The following PPFIA3 variants were observed in gnomAD, a reference collection of about 807,000 sequenced individuals.
The protein encoded by PPFIA3 is liprin-alpha-3.
In PPFIA3, 26 loss-of-function variants were observed where a neutral mutation model predicts 145.8. That is an observed-to-expected ratio of 0.18 (90% CI 0.13 to 0.25). The LOEUF (loss-of-function observed/expected upper bound fraction) is 0.25, where lower values mean the gene tolerates loss of function less well. Among genes scored for constraint, PPFIA3 ranks in the 10% least tolerant of loss-of-function variants. The pLI, the probability that PPFIA3 is intolerant of heterozygous loss-of-function variation, is 1.00. For synonymous variants in PPFIA3, 645 were observed against 661.4 expected, an observed-to-expected ratio of 0.98 and a Z score of 0.38; for missense variants, 1,008 against 1,587.8, an observed-to-expected ratio of 0.63 and a Z score of 6.21.
intron 23 of PPFIA3, among the ~76,000 whole-genome samples, chr19:49,147,726 G>C (rs1451753992): frequency 1.7e-5 from 2 of 116,126 alleles, no homozygotes; most frequent in Admixed American, 1.7e-4. Context: ...GAGAAAGAAA[G>C]AAATTTAAAA....
At chr19:49,141,814 G>A (rs1335397487) in intron 19 of PPFIA3, among the ~76,000 whole-genome samples, 2 of 148,878 alleles carry the variant, frequency 1.3e-5, no homozygotes, top group Non-Finnish European at 1.5e-5. Flanking sequence ...TGTTTCTTTT[G>A]TTTTTCTTAT....
chr19:49,140,475 A>C lies in PPFIA3; in HGVS notation c.2368+387A>C, dbSNP rs368042057. ...GCGATTCTCCTGCCTCGGCCTCTTG[A>C]GCAGCTGGGACTATAGGCGCCCGCC... On this transcript the variant is annotated intron_variant, in intron 18 of 29. Transcript: ENST00000334186. 1.8e-3 allele frequency among the ~76,000 whole-genome samples: 269 copies of C among 150,590 alleles called. 2 individuals are homozygous for C. The highest frequency in any genetic ancestry group is 6.2e-3 in the African/African-American group (252 of 40,886).
At position 49,130,716 on chromosome 19, in the gene PPFIA3, T is replaced by C. The variant is rs2041059190; in HGVS notation, c.879+117T>C. The C allele has an allele frequency of 2.4e-5, 20 of 836,352 alleles. No homozygotes were observed. The highest frequency in any genetic ancestry group is 3.1e-5 in the Non-Finnish European group (17 of 549,314). 51.8% of individuals were successfully genotyped at this position (836,352 alleles called of 1,614,324 possible). Reference sequence around the variant, plus strand: ...TTCAGTCCACAGGCTGGGTGACTCCTCTTTGAGATTCAGTTTTCCCACCTG... The same window carrying C: ...TTCAGTCCACAGGCTGGGTGACTCCCCTTTGAGATTCAGTTTTCCCACCTG... On this transcript the variant is annotated intron_variant, in intron 7 of 29. Transcript: ENST00000334186. The surrounding 1 kb of genome is among the most constrained non-coding windows in gnomAD (Gnocchi z 4.5).
In PPFIA3 at chr19:49,120,941, C is replaced by T. The variant is rs2040930082; in HGVS notation, c.-16+1219C>T. On this transcript the variant is annotated intron_variant, in intron 1 of 29. Transcript: ENST00000334186. This position sits in a 1 kb window ranked among gnomAD's most constrained non-coding sequence, Gnocchi z 4.6. ...GATTCAGGAGTCCAGGCTCCCAGCT[C>T]TGTCCACTGCCCTCCCCAGCAGGTA... 1.3e-5 allele frequency among the ~76,000 whole-genome samples: 2 copies of T among 152,208 alleles called. No homozygotes were observed. The highest frequency in any genetic ancestry group is 4.8e-5 in the African/African-American group (2 of 41,452).
At chr19:49,141,629 AGTGTGTGTGTGC>A in intron 19 of PPFIA3, 116 bp downstream of exon 19, 1 of 769,530 alleles carries the variant, frequency 1.3e-6, no homozygotes, top group Non-Finnish European at 2.0e-6. Flanking sequence ...AGGGTGTGTG[AGTGTGTGTGTGC>A]AGCGGTGGTG....
At chr19:49,144,421 C>T (rs73048826) in intron 21 of PPFIA3, among the ~76,000 whole-genome samples, 2,922 of 152,174 alleles carry the variant, frequency 0.019, 46 homozygotes, top group Non-Finnish European at 0.028. Context: ...CGTGTCAGCA[C>T]GTAAGTTTAG....
In PPFIA3 at chr19:49,138,260, C is replaced by T. The variant is rs773800064; in HGVS notation, c.1909C>T (p.Arg637Trp). 7 of 1,613,316 alleles carry T rather than the reference C, an allele frequency of 4.3e-6. No homozygotes were observed. The highest frequency in any genetic ancestry group is 1.7e-5 in the Admixed American group (1 of 59,978). ...TEQRAEELESRVSSSGLDSLG... is the reference protein window; with the variant it reads ...TEQRAEELESWVSSSGLDSLG... ...ACAGAGGGCAGAGGAGCTGGAGAGT[C>T]GGGTGTCCAGCTCTGGCTTGGACTC... Residue 637 changes from arginine to tryptophan, a missense_variant, in exon 16 of 30, where the codon CGG becomes TGG. Physicochemically the swap from Arg to Trp is moderately radical, Grantham distance 101. This residue lies in a region of PPFIA3 where 202 missense variants were observed against 241.8 expected (regional missense o/e 0.84). Coordinates refer to ENST00000334186, the MANE Select transcript of PPFIA3 (RefSeq NM_003660.4).
chr19:49,150,270 C>A lies in PPFIA3; in HGVS notation c.*48C>A. 1 of 988,240 alleles carries A rather than the reference C, an allele frequency of 1.0e-6. No homozygotes were observed. The highest frequency in any genetic ancestry group is 1.5e-6 in the Non-Finnish European group (1 of 677,782). 61.2% of individuals were successfully genotyped at this position (988,240 alleles called of 1,614,324 possible). On this transcript the variant is annotated 3_prime_UTR_variant, in exon 30 of 30. Coordinates refer to ENST00000334186, the MANE Select transcript of PPFIA3 (RefSeq NM_003660.4). ...CTCGGACGGAAGAATCTTCCCGAGGCTGGGCTGTTCCCTCTCCTGCCCGGA... is the reference window on the plus strand; with the variant it reads ...CTCGGACGGAAGAATCTTCCCGAGGATGGGCTGTTCCCTCTCCTGCCCGGA...
Position 49,135,873 on chromosome 19 carries a change from C to G in PPFIA3, c.1615C>G (p.Arg539Gly). The change falls in exon 14 of 30, where the codon CGG becomes GGG. Residue 539 changes from arginine (R) to glycine (G), a missense_variant. Transcript: ENST00000334186. ...GGATCCCTATGTGGCTGGCAGTGGT[C>G]GGGCAGGCAAGAGGGGCCGCTGGTC... ...HLDPYVAGSG[R>G]AGKRGRWSGV... is the part of the protein sequence containing the mutation. 6.2e-7 allele frequency: 1 copy of G among 1,613,642 alleles called. No homozygotes were observed.
intron 24 of PPFIA3, 38 bp from the exon 25 acceptor site, chr19:49,148,628 G>C: frequency 2.0e-6 from 3 of 1,524,856 alleles, no homozygotes; most frequent in Admixed American, 3.4e-5. Flanking sequence ...TAGGGGACTG[G>C]AAAGCTCATC....
chr19:49,141,523 TGTGA>T lies in PPFIA3; in HGVS notation c.2462+14_2462+17del, dbSNP rs763734165. The T allele has an allele frequency of 1.3e-5, 21 of 1,606,972 alleles. No homozygotes were observed. Among genetic ancestry groups the T allele is most frequent in the Middle Eastern group, 3.3e-4 (2 of 6,082 alleles). ...GAAGGAACAAGAGGAAGTGAGTGTG[TGTGA>T]GTGTGAGCGTGTGTGTGTGTATGTG... On this transcript the variant is annotated intron_variant, in intron 19 of 29. Coordinates refer to ENST00000334186, the MANE Select transcript of PPFIA3 (RefSeq NM_003660.4).
In PPFIA3 at chr19:49,140,639, C is replaced by CTTTTT. The variant is rs4002348; in HGVS notation, c.2368+575_2368+579dup. Among the ~76,000 whole-genome samples, 62 of 63,838 alleles carry CTTTTT rather than the reference C, an allele frequency of 9.7e-4. 2 individuals are homozygous for CTTTTT. Among genetic ancestry groups the CTTTTT allele is most frequent in the African/African-American group, 3.0e-3 (38 of 12,754 alleles). The allele number at this position is 63,838 out of a possible 152,430, so 41.9% of individuals were successfully genotyped here. On this transcript the variant is annotated intron_variant, in intron 18 of 29. Coordinates refer to ENST00000334186, the MANE Select transcript of PPFIA3 (RefSeq NM_003660.4). ...GTGCTGGGATTACAGACTCATTTAC[C>CTTTTT]TTTTTTTTTTTTTTTTTTTTTTTTT...
chr19:49,148,766 G>A lies in PPFIA3; in HGVS notation c.3109+3G>A, dbSNP rs1377334601. ...AGAAAGTCAGACCCAGATCCGAGGTGAGTAGAGCCTAAGGGTCCCTTTGGG... is the reference window on the plus strand; with the variant it reads ...AGAAAGTCAGACCCAGATCCGAGGTAAGTAGAGCCTAAGGGTCCCTTTGGG... On this transcript the variant is annotated splice_donor_region_variant and intron_variant, in intron 25 of 29. Transcript: ENST00000334186. The A allele has an allele frequency of 4.3e-6, 7 of 1,611,684 alleles. No individual in the cohort carries two copies. In the Admixed American group the frequency reaches 5.0e-5, roughly 12 times the overall value.
Position 49,149,811 on chromosome 19 carries a change from C to A in PPFIA3, c.3526+93C>A. 1 of 1,429,628 alleles carries A rather than the reference C, an allele frequency of 7.0e-7. No homozygotes were observed. Among genetic ancestry groups the A allele is most frequent in the Non-Finnish European group, 9.4e-7 (1 of 1,068,524 alleles). 88.6% of individuals were successfully genotyped at this position (1,429,628 alleles called of 1,614,324 possible). The stretch of plus-strand genomic sequence containing the variant: ...GTCCGGGTTCTGGAATGGCCTAGTC[C>A]TTTCTCGCCCACCCCTGAGGAATGG... On this transcript the variant is annotated intron_variant, in intron 28 of 29. Transcript: ENST00000334186. The surrounding 1 kb of genome is among the most constrained non-coding windows in gnomAD (Gnocchi z 5.7).
rs540406489 is a variant in PPFIA3, at chr19:49,130,363, C to T, written c.658-15C>T. 1.7e-5 allele frequency: 27 copies of T among 1,581,848 alleles called. No homozygotes were observed. The African/African-American group carries it at 3.2e-4, about 19-fold the overall frequency. On this transcript the variant is annotated splice_polypyrimidine_tract_variant and intron_variant, in intron 6 of 29. Coordinates refer to ENST00000334186, the MANE Select transcript of PPFIA3 (RefSeq NM_003660.4). The surrounding 1 kb of genome is among the most constrained non-coding windows in gnomAD (Gnocchi z 4.5). ...AGACACTCTGGGATCTTGTCCCCTC[C>T]TTCCCTCACTCCAGACTCTTGCCAA...
intron 7 of PPFIA3, among the ~76,000 whole-genome samples, chr19:49,132,390 CAAAAAAAAA>C (rs11351172): frequency 7.3e-4 from 32 of 43,672 alleles, no homozygotes; most frequent in South Asian, 2.9e-3. Context: ...CTCTCTCTCT[CAAAAAAAAA>C]AAAAAAAAAA....
chr19:49,131,165 C>CTTT (rs74182040), intron 7 of PPFIA3, among the ~76,000 whole-genome samples: 16 of 102,096 alleles, frequency 1.6e-4, no homozygotes, highest in South Asian at 3.6e-4. Flanking sequence ...CACCCAGCCT[C>CTTT]TTTTTTTTTT....
intron 21 of PPFIA3, among the ~76,000 whole-genome samples, chr19:49,144,191 A>G (rs2041256006): frequency 6.6e-6 from 1 of 151,946 alleles, no homozygotes; most frequent in Non-Finnish European, 1.5e-5. Flanking sequence ...TTGTATTCTT[A>G]GTAGAGATGG....
chr19:49,135,661 G>A, intron 13 of PPFIA3, 118 bp from the exon 14 acceptor site: 1 of 1,141,550 alleles, frequency 8.8e-7, no homozygotes, highest in Non-Finnish European at 1.2e-6. Flanking sequence ...TGAGCCACCA[G>A]GCCTGGCCCC....
Sources: gnomAD v4.1 joint callset for allele counts (sites outside exome capture counted in the v4.1 genomes callset) on GRCh38, gnomAD v4.1.1 for gene constraint, gnomAD v4.1.1 regional missense constraint, Gnocchi (gnomAD v3.1) non-coding constraint, MANE v1.5 for transcripts, NCBI Gene and HGNC (gene_info 2026-07-23, HGNC 2026-07-21) for gene names.